TBC1D1: variants seen among roughly 807,000 people sequenced by gnomAD.
The protein encoded by TBC1D1 is TBC1 domain family member 1.
In TBC1D1, 89 loss-of-function variants were observed where a neutral mutation model predicts 125.6. That is an observed-to-expected ratio of 0.71 (90% CI 0.60 to 0.85). The LOEUF is 0.85. TBC1D1 is among the 40% of genes least tolerant of loss of function. The pLI is 0.00. For synonymous variants in TBC1D1, 565 were observed against 564.1 expected, an observed-to-expected ratio of 1.00 and a Z score of -0.02; for missense variants, 1,377 against 1,469.2, an observed-to-expected ratio of 0.94 and a Z score of 1.03.
intron 12 of TBC1D1, among the ~76,000 whole-genome samples, chr4:38,059,209 AT>A (rs967249352): frequency 1.3e-5 from 2 of 151,254 alleles, no homozygotes; most frequent in South Asian, 2.1e-4. Flanking sequence ...ATCCCAGACT[AT>A]TTTTTTTTCT....
At chr4:37,899,634 A>G (rs1577739675) in intron 1 of TBC1D1, among the ~76,000 whole-genome samples, 1 of 152,352 alleles carries the variant, frequency 6.6e-6, no homozygotes, top group African/African-American at 2.4e-5. Context: ...GTGGTACTCA[A>G]TAGAAGTCAG....
chr4:37,924,526 A>G (rs1042326623), intron 2 of TBC1D1, among the ~76,000 whole-genome samples: 2 of 151,980 alleles, frequency 1.3e-5, no homozygotes, highest in Non-Finnish European at 2.9e-5. Context: ...ATTAAAAATA[A>G]CTCCTCACTG....
chr4:37,933,350 T>C (rs1344444579), intron 2 of TBC1D1, among the ~76,000 whole-genome samples: 1 of 152,076 alleles, frequency 6.6e-6, no homozygotes, highest in East Asian at 1.9e-4. Context: ...CAAATAGATA[T>C]ATAAATGCAC....
chr4:38,114,858 A>G (rs1016518399), intron 15 of TBC1D1, among the ~76,000 whole-genome samples: 2 of 152,114 alleles, frequency 1.3e-5, no homozygotes, highest in Non-Finnish European at 2.9e-5. Flanking sequence ...GTTTCAAAAC[A>G]CTGCCTATAG....
chr4:37,982,043 G>A (rs553844998), intron 2 of TBC1D1, among the ~76,000 whole-genome samples: 1 of 152,262 alleles, frequency 6.6e-6, no homozygotes, highest in Non-Finnish European at 1.5e-5. Flanking sequence ...TTTATATGTT[G>A]AGTACGAGTA....
chr4:37,959,234 C>CGATAGTCT (rs1188681996), intron 2 of TBC1D1, among the ~76,000 whole-genome samples: 1 of 151,978 alleles, frequency 6.6e-6, no homozygotes, highest in Admixed American at 6.6e-5. Context: ...AAAGCTTAAC[C>CGATAGTCT]GATAGTCTTC....
In TBC1D1 at chr4:38,021,659, C is replaced by T. The variant is rs1744061923; in HGVS notation, c.1151C>T (p.Ala384Val). 18 of 1,598,212 alleles carry T rather than the reference C, an allele frequency of 1.1e-5. No homozygotes were observed. The highest frequency in any genetic ancestry group is 1.5e-5 in the Non-Finnish European group (18 of 1,172,666). ...GTGCAGCAGACAGCTAAGGCGCCAG[C>T]CCAGCTGTGTGAGGGCTGCCCCCTG... The change falls in exon 6 of 20, where the codon GCC becomes GTC. Residue 384 changes from alanine to valine, a missense_variant. Ala to Val is a moderately conservative substitution (Grantham distance 64, BLOSUM62 0). Around this residue, in one of 3 missense-constraint regions of TBC1D1, gnomAD observed 822 missense variants for 824.6 expected, o/e 1.00. Coordinates refer to ENST00000261439, the MANE Select transcript of TBC1D1 (RefSeq NM_015173.4).
intron 2 of TBC1D1, among the ~76,000 whole-genome samples, chr4:37,957,203 C>T (rs1729109415): frequency 6.6e-6 from 1 of 152,186 alleles, no homozygotes; most frequent in African/African-American, 2.4e-5. Context: ...CGTATCTCTT[C>T]CTTTCCAAAA....
intron 2 of TBC1D1, among the ~76,000 whole-genome samples, chr4:37,954,390 T>TA (rs60350507): frequency 9.6e-4 from 142 of 148,088 alleles, no homozygotes; most frequent in Middle Eastern, 3.5e-3. Flanking sequence ...ATTCATTCAG[T>TA]AAAAAAAAAA....
chr4:38,051,773 C>T (rs938256840), intron 11 of TBC1D1, 126 bp from the exon 12 acceptor site: 7 of 861,334 alleles, frequency 8.1e-6, no homozygotes, highest in Admixed American at 2.8e-5. Flanking sequence ...AGAAGTCCTC[C>T]ACTCTGATAG....
intron 12 of TBC1D1, among the ~76,000 whole-genome samples, chr4:38,087,671 G>C (rs144253082): frequency 6.6e-6 from 1 of 151,634 alleles, no homozygotes; most frequent in African/African-American, 2.4e-5. Context: ...GTGAAACCCC[G>C]TCTCAACTGA....
chr4:38,110,838 T>C (rs1375912306), intron 15 of TBC1D1: 1 of 985,176 alleles, frequency 1.0e-6, no homozygotes, highest in African/African-American at 1.7e-5. Flanking sequence ...TGGCAGAAAT[T>C]AGCTTTCCCT....
chr4:37,950,044 TG>T (rs1436350406), intron 2 of TBC1D1, among the ~76,000 whole-genome samples: 2 of 152,164 alleles, frequency 1.3e-5, no homozygotes, highest in Non-Finnish European at 2.9e-5. Flanking sequence ...TTTTGCTTCC[TG>T]GGGTCTCCAA....
In TBC1D1 at chr4:38,045,921, T is replaced by C; in HGVS notation, c.1629+18T>C. 1 of 1,606,456 alleles carries C rather than the reference T, an allele frequency of 6.2e-7. No homozygotes were observed. Among genetic ancestry groups the C allele is most frequent in the Non-Finnish European group, 8.5e-7 (1 of 1,173,062 alleles). On this transcript the variant is annotated intron_variant, in intron 10 of 19. Coordinates refer to ENST00000261439, the MANE Select transcript of TBC1D1 (RefSeq NM_015173.4). Reference sequence around the variant, plus strand: ...CCAGCAAAGTAAGCACATTTCTCTTTATACGACACCCTGAAGAAACCAACA... The same window carrying C: ...CCAGCAAAGTAAGCACATTTCTCTTCATACGACACCCTGAAGAAACCAACA...
chr4:38,128,196 G>T lies in TBC1D1; in HGVS notation c.3132+3065G>T, dbSNP rs953548456. Among the ~76,000 whole-genome samples, 19 of 152,144 alleles carry T rather than the reference G, an allele frequency of 1.2e-4. 1 individual carries two copies. The highest frequency in any genetic ancestry group is 2.2e-4 in the Non-Finnish European group (15 of 68,012). On this transcript the variant is annotated intron_variant, in intron 18 of 19. Transcript: ENST00000261439. ...GGGGGTATCGGGAGCACAAAAATTT[G>T]CATTTAGGGCCCGGGTTTTTATCAG... is the stretch of plus-strand genomic sequence containing the variant.
At chr4:37,900,564 C>CG (rs1249727368) in intron 1 of TBC1D1, among the ~76,000 whole-genome samples, 3 of 152,010 alleles carry the variant, frequency 2.0e-5, no homozygotes, top group Non-Finnish European at 4.4e-5. Context: ...ACAGATGCAA[C>CG]GCCTGCCTTC....
chr4:38,024,190 A>G (rs1357184425), intron 6 of TBC1D1, among the ~76,000 whole-genome samples: 1 of 152,236 alleles, frequency 6.6e-6, no homozygotes, highest in African/African-American at 2.4e-5. Flanking sequence ...ATTTGCTGAC[A>G]TTATACAAAA....
chr4:37,934,243 G>A (rs979211462), intron 2 of TBC1D1, among the ~76,000 whole-genome samples: 1 of 152,124 alleles, frequency 6.6e-6, no homozygotes, highest in Non-Finnish European at 1.5e-5. Context: ...CATCTGGGGC[G>A]ACATCCAGGG....
At chr4:38,006,515 G>C (rs1044967085) in intron 2 of TBC1D1, among the ~76,000 whole-genome samples, 3 of 87,536 alleles carry the variant, frequency 3.4e-5, no homozygotes, top group African/African-American at 1.4e-4. Flanking sequence ...GTCTTGCTTT[G>C]TCACCCAGGC....
Sources: gnomAD v4.1 joint callset for allele counts (sites outside exome capture counted in the v4.1 genomes callset) on GRCh38, gnomAD v4.1.1 for gene constraint, gnomAD v4.1.1 regional missense constraint, MANE v1.5 for transcripts, NCBI Gene and HGNC (gene_info 2026-07-23, HGNC 2026-07-21) for gene names.